Variants in HAUS2 observed in about 807,000 individuals in gnomAD.
HAUS2 encodes the protein HAUS augmin like complex subunit 2.
In HAUS2, 20 loss-of-function variants were observed where a neutral mutation model predicts 21.6. The ratio of observed to expected loss-of-function variants is 0.93; its 90% CI spans 0.65 to 1.35. HAUS2 has a LOEUF of 1.35. Ranked by LOEUF, HAUS2 falls within the 40% of genes most tolerant of loss-of-function variation. HAUS2 has a pLI of 0.00. For synonymous variants in HAUS2, 113 were observed against 95.6 expected (o/e 1.18, Z -1.06); for missense variants, 297 against 280.7 (o/e 1.06, Z -0.42).
chr15:42,549,105 C>G, intron 1 of HAUS2, 140 bp downstream of exon 1: 1 of 578,870 alleles, frequency 1.7e-6, no homozygotes, highest in Non-Finnish European at 3.1e-6. Context: ...CCCTTCCAGG[C>G]AACAGCCGCG....
At chr15:42,555,974 T>C (rs1347840366) in intron 1 of HAUS2, among the ~76,000 whole-genome samples, 1 of 152,070 alleles carries the variant, frequency 6.6e-6, no homozygotes, top group Non-Finnish European at 1.5e-5. Context: ...TAAGACGGAG[T>C]TTCGCTCTGT....
rs189944918 is a variant in HAUS2 at position 42,562,929 on chromosome 15, A to G, written c.390-820A>G. The stretch of plus-strand genomic sequence containing the variant: ...GGAGTTTGAGACCAGCTTGGCCAAC[A>G]TGACAAAACCCTGTGTCTACTAAAA... On this transcript the variant is annotated intron_variant, in intron 4 of 5. Coordinates refer to ENST00000260372, the MANE Select transcript of HAUS2 (RefSeq NM_018097.3). Among the ~76,000 whole-genome samples the G allele has an allele frequency of 4.9e-3, 740 of 152,248 alleles. 10 individuals are homozygous for G. Among genetic ancestry groups the G allele is most frequent in the African/African-American group, 0.017 (700 of 41,544 alleles).
rs1406268689 is a variant in HAUS2, at chr15:42,569,599, G to A, written c.*2783G>A. On this transcript the variant is annotated 3_prime_UTR_variant, in exon 6 of 6. Transcript: ENST00000260372. ...TGGGAGTACAGGTGTTAGCCACTGC[G>A]CCTGGCCTCATTGTACTCCTTAACA... The A allele has an allele frequency of 1.3e-5, 2 of 152,042 alleles. No homozygotes were observed. The highest frequency in any genetic ancestry group is 2.1e-4 in the South Asian group (1 of 4,820). The allele number at this position is 152,042 out of a possible 1,614,324, so 9.4% of individuals were successfully genotyped here.
intron 1 of HAUS2, among the ~76,000 whole-genome samples, chr15:42,554,562 C>T (rs1450767874): frequency 3.3e-5 from 5 of 150,804 alleles, no homozygotes; most frequent in Non-Finnish European, 7.4e-5. Flanking sequence ...GCGCTCACAG[C>T]TTACTGCAGC....
In HAUS2 at chr15:42,567,013, A is replaced by G. The variant is rs796972080; in HGVS notation, c.*197A>G. ...TTCATATATTTTTATTCTACCTTTCAGTAAAACTAGAGAAGCTAAAAAATA... is the reference window on the plus strand; with the variant it reads ...TTCATATATTTTTATTCTACCTTTCGGTAAAACTAGAGAAGCTAAAAAATA... On this transcript the variant is annotated 3_prime_UTR_variant, in exon 6 of 6. Coordinates refer to ENST00000260372, the MANE Select transcript of HAUS2 (RefSeq NM_018097.3). 4.7e-6 allele frequency: 2 copies of G among 422,822 alleles called. No individual in the cohort carries two copies. Among genetic ancestry groups the G allele is most frequent in the Non-Finnish European group, 8.5e-6 (2 of 236,208 alleles). 26.2% of individuals were successfully genotyped at this position (422,822 alleles called of 1,614,324 possible). A position where few individuals can be genotyped will look rare whatever the true frequency, so the allele number is the denominator to read the frequency against.
Position 42,561,709 on chromosome 15 carries a change from A to G in HAUS2, c.389+307A>G, listed in dbSNP as rs117173763. ...AAGTAAATTCATTGTTGTAAAGTAC[A>G]TTCATTGTTGAGTTAATGTTGCCTA... is the stretch of plus-strand genomic sequence containing the variant. On this transcript the variant is annotated intron_variant, in intron 4 of 5. Transcript: ENST00000260372. The G allele has an allele frequency of 6.0e-4, 150 of 251,702 alleles. 1 individual carries two copies. The East Asian group carries it at 9.7e-3, about 16-fold the overall frequency. 15.6% of individuals were successfully genotyped at this position (251,702 alleles called of 1,614,324 possible). A position where few individuals can be genotyped will look rare whatever the true frequency, so the allele number is the denominator to read the frequency against.
intron 1 of HAUS2, among the ~76,000 whole-genome samples, chr15:42,557,068 AT>A (rs1205600912): frequency 2.7e-5 from 4 of 150,918 alleles, no homozygotes; most frequent in African/African-American, 9.7e-5. Context: ...TAATCGCAGC[AT>A]TTTGGGAGGC....
chr15:42,567,126 G>A lies in HAUS2; in HGVS notation c.*310G>A. The A allele has an allele frequency of 4.1e-6, 1 of 246,754 alleles. No homozygotes were observed. 15.3% of individuals were successfully genotyped at this position (246,754 alleles called of 1,614,324 possible). On this transcript the variant is annotated 3_prime_UTR_variant, in exon 6 of 6. Transcript: ENST00000260372. The stretch of plus-strand genomic sequence containing the variant: ...TAAAAATGTGTGTTTATCGTCTGGT[G>A]TGGTGGCTCACACCTGTAATCCTAA...
chr15:42,558,314 C>CTTTTTTT (rs547363768), intron 2 of HAUS2, 24 bp downstream of exon 2: 86 of 375,790 alleles, frequency 2.3e-4, no homozygotes, highest in Admixed American at 4.7e-4. Context: ...TTTTCACTTT[C>CTTTTTTT]TTTTTTTTTT....
chr15:42,569,028 C>G lies in HAUS2; in HGVS notation c.*2212C>G, dbSNP rs2141611327. On this transcript the variant is annotated 3_prime_UTR_variant, in exon 6 of 6. Coordinates refer to ENST00000260372, the MANE Select transcript of HAUS2 (RefSeq NM_018097.3). ...GCAGTTCCTAAGTGTTTACTGGTAG[C>G]TGTAGGAATAGGCAAAGAAGAAACA... 6.6e-6 allele frequency: 1 copy of G among 152,236 alleles called. No homozygotes were observed. The highest frequency in any genetic ancestry group is 2.1e-4 in the South Asian group (1 of 4,830). The allele number at this position is 152,236 out of a possible 1,614,324, so 9.4% of individuals were successfully genotyped here. A position where few individuals can be genotyped will look rare whatever the true frequency, so the allele number is the denominator to read the frequency against.
intron 5 of HAUS2, among the ~76,000 whole-genome samples, chr15:42,564,685 C>T (rs571372179): frequency 6.6e-6 from 1 of 152,306 alleles, no homozygotes; most frequent in African/African-American, 2.4e-5. Flanking sequence ...GACGAGTTCT[C>T]ACTATGTTAC....
At chr15:42,555,076 G>A (rs1026854877) in intron 1 of HAUS2, among the ~76,000 whole-genome samples, 4 of 150,980 alleles carry the variant, frequency 2.6e-5, no homozygotes, top group South Asian at 2.1e-4. Context: ...TGCAACCTTC[G>A]CCTCCTGGGT....
At chr15:42,551,427 G>A (rs149068719) in intron 1 of HAUS2, among the ~76,000 whole-genome samples, 1,536 of 152,130 alleles carry the variant, frequency 0.01, 35 homozygotes, top group African/African-American at 0.035. Flanking sequence ...GATCACCTGA[G>A]GTCAGGAGTT....
chr15:42,551,947 C>T (rs1014350368), intron 1 of HAUS2, among the ~76,000 whole-genome samples: 1 of 152,082 alleles, frequency 6.6e-6, no homozygotes, highest in Admixed American at 6.6e-5. Flanking sequence ...AATGAGGGAG[C>T]TATTTACAGA....
intron 5 of HAUS2, among the ~76,000 whole-genome samples, chr15:42,566,195 C>G (rs1186651229): frequency 2.0e-5 from 3 of 147,316 alleles, no homozygotes; most frequent in Non-Finnish European, 4.5e-5. Flanking sequence ...AGTGAGACAC[C>G]ATCTCAAAAA....
Position 42,565,176 on chromosome 15 carries a change from T to C in HAUS2, c.498+1319T>C, listed in dbSNP as rs116408960. On this transcript the variant is annotated intron_variant, in intron 5 of 5. Coordinates refer to ENST00000260372, the MANE Select transcript of HAUS2 (RefSeq NM_018097.3). Reference sequence around the variant, plus strand: ...TTAAGGAATAAGTGAAATTCGGACATGCATCAGAAAGAATAGTTTGGCCAA... The same window carrying C: ...TTAAGGAATAAGTGAAATTCGGACACGCATCAGAAAGAATAGTTTGGCCAA... Among the ~76,000 whole-genome samples, 1,511 of 152,176 alleles carry C rather than the reference T, an allele frequency of 9.9e-3. 32 individuals carry two copies. The highest frequency in any genetic ancestry group is 0.035 in the African/African-American group (1,459 of 41,506).
At chr15:42,565,916 A>G (rs186889019) in intron 5 of HAUS2, among the ~76,000 whole-genome samples, 7 of 152,228 alleles carry the variant, frequency 4.6e-5, no homozygotes, top group African/African-American at 1.7e-4. Flanking sequence ...AGAAGTTAGT[A>G]AGTGGGCTGG....
At chr15:42,558,421 A>C (rs2057811325) in intron 2 of HAUS2, 131 bp downstream of exon 2, 1 of 525,326 alleles carries the variant, frequency 1.9e-6, no homozygotes, top group African/African-American at 2.1e-5. Context: ...TCCGCCTCCC[A>C]GGTTCACGCC....
At chr15:42,555,082 T>C (rs555035797) in intron 1 of HAUS2, among the ~76,000 whole-genome samples, 1 of 151,508 alleles carries the variant, frequency 6.6e-6, no homozygotes, top group Admixed American at 6.6e-5. Flanking sequence ...CTTCGCCTCC[T>C]GGGTTCAAGC....
Sources: allele counts gnomAD v4.1 joint callset (sites outside exome capture counted in the v4.1 genomes callset), GRCh38; gene constraint gnomAD v4.1.1; transcripts MANE v1.5; gene names NCBI Gene and HGNC (gene_info 2026-07-23, HGNC 2026-07-21).